The following ZNF514 variants were observed in gnomAD, a reference collection of about 807,000 sequenced individuals.
ZNF514 encodes the protein zinc finger protein 514.
Under a neutral mutation model 9.7 loss-of-function variants are expected in ZNF514, and 12 were observed. The ratio of observed to expected loss-of-function variants is 1.24; its 90% confidence interval spans 0.79 to 2.01. The LOEUF (loss-of-function observed/expected upper bound fraction) is 2.01, where lower values mean the gene tolerates loss of function less well. ZNF514 is among the 30% of genes most tolerant of loss of function. The pLI is 0.00. For missense variants in ZNF514, 467 were observed against 465.5 expected (o/e 1.00, Z -0.03); for synonymous variants, 158 against 163.7 (o/e 0.97, Z 0.27).
At chr2:95,130,108 G>A in the ZNF514 span, among the ~76,000 whole-genome samples, 1 of 152,174 alleles carries the variant, frequency 6.6e-6, no homozygotes, top group Non-Finnish European at 1.5e-5. Context: ...GAGTACAAAA[G>A]AGAAATTTTT....
In ZNF514 at chr2:95,150,121, G is replaced by A. The variant is rs750696672; in HGVS notation, c.364C>T (p.Gln122Ter). 1.9e-6 allele frequency: 3 copies of A among 1,611,906 alleles called. No homozygotes were observed. The highest frequency in any genetic ancestry group is 3.3e-5 in the Admixed American group (2 of 60,012). ...TGTTTTATCTGCTGCATCTCTAACT[G>A]GCCATCACAACCGCAGGCTGCTTTC... The part of the protein sequence containing the change: ...KLKAACGCDG[Q>*]LEMQQIKQER... The change falls in exon 5 of 5, where the codon CAG (glutamine) becomes TAG (stop). Residue 122 changes from glutamine to a stop codon, truncating the protein, a stop_gained. Transcript: ENST00000295208. LOFTEE classifies it low-confidence loss of function (END_TRUNC).
At chr2:95,142,953 ATC>A (rs770927000), downstream of ZNF514, among the ~76,000 whole-genome samples, 2 of 152,260 alleles carry the variant, frequency 1.3e-5, no homozygotes, top group African/African-American at 2.4e-5. Context: ...TCATGATAGC[ATC>A]TGTGTCATTG....
In ZNF514 at chr2:95,146,153, A is replaced by G. The variant is rs1204948871; in HGVS notation, c.*3129T>C. Among the ~76,000 whole-genome samples, 3 of 152,348 alleles carry G rather than the reference A, an allele frequency of 2.0e-5. No homozygotes were observed. The East Asian group carries it at 5.8e-4, about 29-fold the overall frequency. On this transcript the variant is annotated 3_prime_UTR_variant, in exon 5 of 5. Coordinates refer to ENST00000295208, the MANE Select transcript of ZNF514 (RefSeq NM_032788.3). ...GGTCAACTGTGCCTACAGGTCACTC[A>G]TATTTATCTCAGAATAAATCTCTTA...
chr2:95,144,612 C>A (rs1573372100), downstream of ZNF514, among the ~76,000 whole-genome samples: 1 of 152,144 alleles, frequency 6.6e-6, no homozygotes, highest in East Asian at 1.9e-4. Context: ...CATCCTTGGG[C>A]TGGTTCTGAT....
downstream of ZNF514, among the ~76,000 whole-genome samples, chr2:95,142,399 T>C (rs1673260545): frequency 6.6e-6 from 1 of 152,234 alleles, no homozygotes; most frequent in Admixed American, 6.5e-5. Flanking sequence ...TCCAGGTAAT[T>C]CTAAATTTGA....
At chr2:95,154,930 C>G (rs779290637) in intron 2 of ZNF514, 1 of 152,098 alleles carries the variant, frequency 6.6e-6, no homozygotes, top group East Asian at 1.9e-4. Context: ...AAAAGGCTCC[C>G]AATAAAGGCT....
At chr2:95,158,832 A>G in intron 1 of ZNF514, 2 of 1,285,444 alleles carry the variant, frequency 1.6e-6, no homozygotes, top group Non-Finnish European at 2.0e-6. Flanking sequence ...ATGTCGCCAC[A>G]CGGAAGGCAG....
At chr2:95,152,869 C>T in intron 3 of ZNF514, 100 bp from the exon 4 acceptor site, 1 of 1,179,000 alleles carries the variant, frequency 8.5e-7, no homozygotes, top group Non-Finnish European at 1.3e-6. Context: ...GCATGGAAAG[C>T]CTCCAGAGAA....
At chr2:95,131,824 T>C in the ZNF514 span, among the ~76,000 whole-genome samples, 2 of 152,144 alleles carry the variant, frequency 1.3e-5, no homozygotes, top group Non-Finnish European at 2.9e-5. Context: ...TTATAAAACA[T>C]TTATTCAATG....
downstream of ZNF514, among the ~76,000 whole-genome samples, chr2:95,143,048 G>T (rs1226208909): frequency 6.6e-6 from 1 of 152,178 alleles, no homozygotes; most frequent in African/African-American, 2.4e-5. Context: ...GCACTTCTTT[G>T]CTCAATGCTT....
At position 95,145,782 on chromosome 2, in the gene ZNF514, G is replaced by A. The variant is rs1673344359; in HGVS notation, c.*3500C>T. Reference sequence around the variant, plus strand: ...CAAGCTGTAGCCTGACAGCACAATTGTCTCTTCCTCTCACGTACCTTTGCC... The same window carrying A: ...CAAGCTGTAGCCTGACAGCACAATTATCTCTTCCTCTCACGTACCTTTGCC... On this transcript the variant is annotated 3_prime_UTR_variant, in exon 5 of 5. Transcript: ENST00000295208. Among the ~76,000 whole-genome samples the A allele has an allele frequency of 6.6e-6, 1 of 152,192 alleles. No homozygotes were observed.
At chr2:95,140,870 G>A (rs1348142354), downstream of ZNF514, among the ~76,000 whole-genome samples, 2 of 151,908 alleles carry the variant, frequency 1.3e-5, no homozygotes, top group Non-Finnish European at 2.9e-5. Flanking sequence ...AGCTACTCGG[G>A]GGGCTGAGGC....
downstream of ZNF514, among the ~76,000 whole-genome samples, chr2:95,140,609 TC>T (rs1292640942): frequency 6.6e-6 from 1 of 151,556 alleles, no homozygotes; most frequent in African/African-American, 2.4e-5. Flanking sequence ...CAAGACTTCA[TC>T]TTGAAAAAAT....
the ZNF514 span, among the ~76,000 whole-genome samples, chr2:95,127,869 A>C: frequency 6.6e-6 from 1 of 151,844 alleles, no homozygotes; most frequent in African/African-American, 2.4e-5. Context: ...TCGGCCTCCC[A>C]AAGTGCTGGG....
downstream of ZNF514, among the ~76,000 whole-genome samples, chr2:95,144,623 T>G (rs538715669): frequency 7.9e-5 from 12 of 152,322 alleles, no homozygotes; most frequent in African/African-American, 2.6e-4. Context: ...TGGTTCTGAT[T>G]TGTGTCCTTT....
In ZNF514 at chr2:95,159,265, C is replaced by CTTTTTT; in HGVS notation, c.-122_-121insAAAAAA. On this transcript the variant is annotated 5_prime_UTR_variant, in exon 1 of 5. Coordinates refer to ENST00000295208, the MANE Select transcript of ZNF514 (RefSeq NM_032788.3). ...CCCCGGCTCGGCTCCTCCTCAGGAC[C>CTTTTTT]AGGCTCTGGAACCCAGCTCCCACGT... is the stretch of plus-strand genomic sequence containing the variant. 44 of 184,460 alleles carry CTTTTTT rather than the reference C, an allele frequency of 2.4e-4. No homozygotes were observed. Among genetic ancestry groups the CTTTTTT allele is most frequent in the South Asian group, 6.3e-4 (7 of 11,186 alleles). The allele number at this position is 184,460 out of a possible 1,614,324, so 11.4% of individuals were successfully genotyped here.
intron 1 of ZNF514, 44 bp downstream of exon 1, chr2:95,159,196 C>T: frequency 3.6e-6 from 1 of 277,810 alleles, no homozygotes; most frequent in Non-Finnish European, 6.4e-6. Context: ...CGGCGCACTG[C>T]TGCCCGGGGT....
At chr2:95,131,038 C>A in the ZNF514 span, among the ~76,000 whole-genome samples, 1 of 152,212 alleles carries the variant, frequency 6.6e-6, no homozygotes, top group African/African-American at 2.4e-5. Flanking sequence ...AATTCACGTT[C>A]TTCTGCCGTG....
At chr2:95,142,002 C>T (rs1673247778), downstream of ZNF514, among the ~76,000 whole-genome samples, 1 of 152,306 alleles carries the variant, frequency 6.6e-6, no homozygotes, top group East Asian at 1.9e-4. Flanking sequence ...TGTTTTTCAT[C>T]TGCTTGCTTA....
Sources: gnomAD v4.1 joint callset for allele counts (sites outside exome capture counted in the v4.1 genomes callset) on GRCh38, gnomAD v4.1.1 for gene constraint, MANE v1.5 for transcripts, NCBI Gene and HGNC (gene_info 2026-07-23, HGNC 2026-07-21) for gene names.